The following SND1 variants were observed in gnomAD, a reference collection of about 807,000 sequenced individuals.
SND1 encodes staphylococcal nuclease and tudor domain containing 1.
Under a neutral mutation model 121.7 loss-of-function variants are expected in SND1, and 38 were observed. The observed-to-expected ratio is 0.31, with a 90% CI of 0.24 to 0.41. The LOEUF is 0.41. Ranked by LOEUF, SND1 falls within the 10% of genes least tolerant of loss-of-function variation. SND1 has a pLI of 1.00. For missense variants in SND1, 868 were observed against 1,184.6 expected, an observed-to-expected ratio of 0.73 and a Z score of 3.92; for synonymous variants, 401 against 447.4, an observed-to-expected ratio of 0.90 and a Z score of 1.31.
intron 14 of SND1, among the ~76,000 whole-genome samples, chr7:127,909,593 G>A (rs1015672563): frequency 1.3e-5 from 2 of 152,084 alleles, no homozygotes; most frequent in East Asian, 3.9e-4. Context: ...GAGTAACTGG[G>A]TCTACAGGTG....
At chr7:128,082,360 C>A (rs532148256) in intron 18 of SND1, among the ~76,000 whole-genome samples, 1 of 152,222 alleles carries the variant, frequency 6.6e-6, no homozygotes, top group African/African-American at 2.4e-5. Context: ...GGGCAGTCCC[C>A]CAGATGGCAG....
chr7:128,026,005 C>G (rs1046799086), intron 16 of SND1, among the ~76,000 whole-genome samples: 7 of 148,656 alleles, frequency 4.7e-5, no homozygotes, highest in Admixed American at 4.0e-4. Flanking sequence ...CCTGTCTGCT[C>G]AAATAGCTGT....
At chr7:128,033,413 C>T (rs1471639291) in intron 16 of SND1, among the ~76,000 whole-genome samples, 1 of 152,198 alleles carries the variant, frequency 6.6e-6, no homozygotes, top group African/African-American at 2.4e-5. Flanking sequence ...CCTCAACCCA[C>T]CCCTCTCCCC....
At chr7:127,655,840 A>G (rs1336173337) in intron 1 of SND1, among the ~76,000 whole-genome samples, 3 of 151,850 alleles carry the variant, frequency 2.0e-5, no homozygotes, top group Non-Finnish European at 4.4e-5. Context: ...CTCTTTGGGT[A>G]TGTTTACATG....
intron 10 of SND1, among the ~76,000 whole-genome samples, chr7:127,742,440 G>A (rs1229653826): frequency 6.6e-6 from 1 of 152,048 alleles, no homozygotes; most frequent in Non-Finnish European, 1.5e-5. Context: ...GACTTCTTTG[G>A]AGAATTATTA....
chr7:127,694,946 A>G lies in SND1; in HGVS notation c.347A>G (p.Lys116Arg), dbSNP rs1353806266. The G allele has an allele frequency of 6.2e-7, 1 of 1,612,212 alleles. No homozygotes were observed. The highest frequency in any genetic ancestry group is 1.1e-5 in the South Asian group (1 of 90,754). The change falls in exon 3 of 24, where the codon AAA becomes AGA. Residue 116 changes from lysine (K) to arginine (R), a missense_variant and splice_region_variant. By Grantham distance (26) the Lys-to-Arg change is conservative. Coordinates refer to ENST00000354725, the MANE Select transcript of SND1 (RefSeq NM_014390.4). The part of the protein sequence containing the change: ...GREYGMIYLG[K>R]DTNGENIAES... Reference sequence around the variant, plus strand: ...GAGTATGGCATGATCTACCTTGGAAAAGGTGAGCTGCAGGGAGAGGACTCA... The same window carrying G: ...GAGTATGGCATGATCTACCTTGGAAGAGGTGAGCTGCAGGGAGAGGACTCA...
chr7:127,744,249 C>T (rs1163626042), intron 10 of SND1, among the ~76,000 whole-genome samples: 1 of 151,168 alleles, frequency 6.6e-6, no homozygotes, highest in African/African-American at 2.4e-5. Context: ...TAATTTTTTT[C>T]CCCCCCGTTT....
chr7:127,725,018 A>G (rs1174878403), intron 10 of SND1, among the ~76,000 whole-genome samples: 2 of 152,216 alleles, frequency 1.3e-5, no homozygotes, highest in African/African-American at 4.8e-5. Flanking sequence ...GAAAAAAGAA[A>G]AAGAAGAAGA....
intron 9 of SND1, among the ~76,000 whole-genome samples, chr7:127,711,389 A>G (rs909967514): frequency 2.0e-5 from 3 of 152,268 alleles, no homozygotes; most frequent in South Asian, 2.1e-4. Context: ...TTTAGAAGTC[A>G]TTTTCCATTA....
At chr7:128,010,003 G>A (rs1004892920) in intron 16 of SND1, among the ~76,000 whole-genome samples, 29 of 152,284 alleles carry the variant, frequency 1.9e-4, no homozygotes, top group East Asian at 7.7e-4. Context: ...TGGATCTCTG[G>A]CTAAAGATCA....
At chr7:127,746,359 C>G (rs569919047) in intron 10 of SND1, among the ~76,000 whole-genome samples, 1 of 152,292 alleles carries the variant, frequency 6.6e-6, no homozygotes, top group East Asian at 1.9e-4. Context: ...ATTCTGCTTT[C>G]TTGCCCGCTA....
At position 128,046,365 on chromosome 7, in the gene SND1, GTT is replaced by G. The variant is rs373853260; in HGVS notation, c.1780-28120_1780-28119del. The stretch of plus-strand genomic sequence containing the variant: ...GGGTTTTTTTTTTGGTTGTTGTTGT[GTT>G]TTTTTTTTTTTTTTTTGAGACAGAG... On this transcript the variant is annotated intron_variant, in intron 16 of 23. Coordinates refer to ENST00000354725, the MANE Select transcript of SND1 (RefSeq NM_014390.4). Among the ~76,000 whole-genome samples the G allele has an allele frequency of 3.6e-3, 410 of 115,216 alleles. 5 individuals are homozygous for G. The South Asian group carries it at 0.045, about 13-fold the overall frequency. 75.6% of individuals were successfully genotyped at this position (115,216 alleles called of 152,430 possible).
intron 10 of SND1, among the ~76,000 whole-genome samples, chr7:127,754,827 T>A (rs1179546926): frequency 6.6e-6 from 1 of 152,260 alleles, no homozygotes; most frequent in Non-Finnish European, 1.5e-5. Flanking sequence ...ACCAGTTGTT[T>A]AAAAAACAAC....
intron 20 of SND1, among the ~76,000 whole-genome samples, chr7:128,086,242 C>T (rs538204697): frequency 1.3e-5 from 2 of 152,310 alleles, no homozygotes; most frequent in African/African-American, 4.8e-5. Context: ...AAAATTTCTC[C>T]GGCTGGGCCT....
chr7:127,997,838 C>T (rs765339749), intron 16 of SND1: 5 of 534,690 alleles, frequency 9.4e-6, no homozygotes, highest in Admixed American at 3.9e-5. Context: ...CATCAGTCAT[C>T]GCCCTTGCTT....
chr7:127,971,128 C>T (rs1321663463), intron 15 of SND1, among the ~76,000 whole-genome samples: 2 of 152,176 alleles, frequency 1.3e-5, no homozygotes, highest in African/African-American at 4.8e-5. Context: ...CCTTTGCAGA[C>T]TGATTGTTTT....
At chr7:127,989,567 C>A (rs1268655934) in intron 15 of SND1, among the ~76,000 whole-genome samples, 1 of 152,122 alleles carries the variant, frequency 6.6e-6, no homozygotes, top group Non-Finnish European at 1.5e-5. Context: ...CACCGAGACA[C>A]CCTGCTTCTG....
chr7:127,941,908 TTTTTA>T (rs1801217375), intron 15 of SND1, among the ~76,000 whole-genome samples: 2 of 145,410 alleles, frequency 1.4e-5, no homozygotes, highest in Admixed American at 6.8e-5. Flanking sequence ...TTTTTTTTTT[TTTTTA>T]AATTTTCCAA....
intron 14 of SND1, among the ~76,000 whole-genome samples, chr7:127,921,887 T>C (rs1800714386): frequency 6.6e-6 from 1 of 152,222 alleles, no homozygotes; most frequent in African/African-American, 2.4e-5. Context: ...TTCCATTGTG[T>C]GGTGTACTAT....
Sources: allele counts gnomAD v4.1 joint callset (sites outside exome capture counted in the v4.1 genomes callset), GRCh38; gene constraint gnomAD v4.1.1; transcripts MANE v1.5; gene names NCBI Gene and HGNC (gene_info 2026-07-23, HGNC 2026-07-21).